Variants in PPP1R17 observed in about 807,000 individuals in gnomAD.
PPP1R17 encodes protein phosphatase 1 regulatory subunit 17.
Under a neutral mutation model 15.9 loss-of-function variants are expected in PPP1R17, and 12 were observed. The observed-to-expected ratio is 0.75, with a 90% confidence interval of 0.48 to 1.22. PPP1R17 has a LOEUF of 1.22. Ranked by LOEUF, PPP1R17 falls within the 50% of genes most tolerant of loss-of-function variation. The pLI is 0.00. For synonymous variants in PPP1R17, 63 were observed against 64.5 expected, an observed-to-expected ratio of 0.98 and a Z score of 0.11; for missense variants, 211 against 187.3, an observed-to-expected ratio of 1.13 and a Z score of -0.74.
chr7:31,688,552 C>T (rs1308001411), intron 1 of PPP1R17, among the ~76,000 whole-genome samples: 1 of 152,108 alleles, frequency 6.6e-6, no homozygotes, highest in Non-Finnish European at 1.5e-5. Flanking sequence ...CACCCAGTTC[C>T]TTCCCCCTTT....
chr7:31,706,153 C>G (rs746498972), intron 4 of PPP1R17, among the ~76,000 whole-genome samples: 1 of 151,236 alleles, frequency 6.6e-6, no homozygotes, highest in Non-Finnish European at 1.5e-5. Flanking sequence ...TACAGGTGCC[C>G]GCCACCATGC....
intron 4 of PPP1R17, among the ~76,000 whole-genome samples, chr7:31,698,601 A>G (rs1472082965): frequency 6.6e-6 from 1 of 152,222 alleles, no homozygotes; most frequent in Non-Finnish European, 1.5e-5. Flanking sequence ...TAATCTTCAA[A>G]CTGTCTTCAT....
chr7:31,695,487 T>A lies in PPP1R17; in HGVS notation c.101T>A (p.Phe34Tyr). The change falls in exon 3 of 5, where the codon TTC (phenylalanine) becomes TAC (tyrosine). Residue 34 changes from phenylalanine (F) to tyrosine (Y), a missense_variant. Phe to Tyr is a conservative substitution (Grantham distance 22). Coordinates refer to ENST00000342032, the MANE Select transcript of PPP1R17 (RefSeq NM_006658.5). ...CSHLDDLSDQ[F>Y]IKDCDLKKKP... is the part of the protein sequence containing the mutation. ...AAATTAGATGATCTTTCAGACCAGT[T>A]CATTAAGGACTGTGATCTCAAAAAG... 1 of 1,609,378 alleles carries A rather than the reference T, an allele frequency of 6.2e-7. No homozygotes were observed. Among genetic ancestry groups the A allele is most frequent in the South Asian group, 1.1e-5 (1 of 90,076 alleles).
At chr7:31,690,968 G>A (rs759083629) in intron 1 of PPP1R17, among the ~76,000 whole-genome samples, 1 of 152,142 alleles carries the variant, frequency 6.6e-6, no homozygotes, top group Non-Finnish European at 1.5e-5. Flanking sequence ...TTAAATAGGT[G>A]CATAAGACCA....
intron 1 of PPP1R17, among the ~76,000 whole-genome samples, chr7:31,690,794 CTCTGAT>C (rs1297831808): frequency 2.0e-5 from 3 of 152,312 alleles, no homozygotes; most frequent in Admixed American, 6.5e-5. Context: ...CAAATGATTA[CTCTGAT>C]TCTAAGTGTT....
intron 4 of PPP1R17, among the ~76,000 whole-genome samples, chr7:31,700,977 A>G (rs1792825478): frequency 6.6e-6 from 1 of 152,230 alleles, no homozygotes; most frequent in African/African-American, 2.4e-5. Flanking sequence ...TGATGGAGGC[A>G]CACAAGGAGA....
Position 31,697,043 on chromosome 7 carries a change from A to AT in PPP1R17, c.315dup (p.Asn106Ter). Reference sequence around the variant, plus strand: ...AAGGGCAAAATGATCCCTGTTCTTCATAACACTGACCTGGAACAGAAAAAG... The same window carrying AT: ...AAGGGCAAAATGATCCCTGTTCTTCATTAACACTGACCTGGAACAGAAAAAG... On this transcript the variant is annotated frameshift_variant, in exon 4 of 5. Transcript: ENST00000342032. LOFTEE classifies it high-confidence loss of function. The AT allele has an allele frequency of 6.2e-7, 1 of 1,614,184 alleles. No individual in the cohort carries two copies. Among genetic ancestry groups the AT allele is most frequent in the Non-Finnish European group, 8.5e-7 (1 of 1,180,018 alleles).
At chr7:31,698,063 T>C (rs539238109) in intron 4 of PPP1R17, among the ~76,000 whole-genome samples, 1 of 152,216 alleles carries the variant, frequency 6.6e-6, no homozygotes, top group Admixed American at 6.5e-5. Flanking sequence ...AACCTAGGTC[T>C]ATCTCACCTT....
intron 2 of PPP1R17, among the ~76,000 whole-genome samples, chr7:31,695,096 G>C (rs1376809433): frequency 5.9e-5 from 9 of 152,146 alleles, no homozygotes; most frequent in Admixed American, 5.2e-4. Context: ...TCTCCAAAGA[G>C]AGCAAGTCTT....
intron 4 of PPP1R17, among the ~76,000 whole-genome samples, chr7:31,706,278 T>C (rs1793068132): frequency 6.6e-6 from 1 of 152,010 alleles, no homozygotes; most frequent in African/African-American, 2.4e-5. Context: ...GTGCTGGGAT[T>C]ATAGGCATGA....
intron 4 of PPP1R17, among the ~76,000 whole-genome samples, chr7:31,701,637 A>G (rs1035074910): frequency 1.3e-5 from 2 of 152,208 alleles, no homozygotes; most frequent in South Asian, 4.1e-4. Flanking sequence ...AGCAAACTCT[A>G]TTGTTAAAGG....
chr7:31,707,117 A>G, intron 4 of PPP1R17, 87 bp from the exon 5 acceptor site: 1 of 1,235,610 alleles, frequency 8.1e-7, no homozygotes, highest in Non-Finnish European at 1.1e-6. Context: ...CTGGGTTGCC[A>G]TGCTCCTTTG....
intron 1 of PPP1R17, among the ~76,000 whole-genome samples, chr7:31,691,246 C>G (rs1284010208): frequency 6.6e-6 from 1 of 152,210 alleles, no homozygotes; most frequent in Non-Finnish European, 1.5e-5. Context: ...ACCCTCCCAC[C>G]TTTTCAGAGA....
intron 2 of PPP1R17, among the ~76,000 whole-genome samples, chr7:31,694,580 G>A (rs1196053718): frequency 6.6e-6 from 1 of 152,110 alleles, no homozygotes; most frequent in East Asian, 1.9e-4. Flanking sequence ...GCAGGGAGAG[G>A]CAACTAAGAA....
chr7:31,689,678 A>G (rs1360279712), intron 1 of PPP1R17, among the ~76,000 whole-genome samples: 3 of 152,144 alleles, frequency 2.0e-5, no homozygotes, highest in Non-Finnish European at 4.4e-5. Context: ...CTAACAGGCT[A>G]TGAAAATTAT....
chr7:31,695,711 G>C lies in PPP1R17; in HGVS notation c.235+90G>C, dbSNP rs1158524359. 8 of 1,378,564 alleles carry C rather than the reference G, an allele frequency of 5.8e-6. No individual in the cohort carries two copies. The East Asian group carries it at 9.4e-5, about 16-fold the overall frequency. The allele number at this position is 1,378,564 out of a possible 1,614,324, so 85.4% of individuals were successfully genotyped here. A position where few individuals can be genotyped will look rare whatever the true frequency, so the allele number is the denominator to read the frequency against. On this transcript the variant is annotated intron_variant, in intron 3 of 4. Coordinates refer to ENST00000342032, the MANE Select transcript of PPP1R17 (RefSeq NM_006658.5). ...GTACACATTTTTCCTTAAATATTCA[G>C]GTATTTTAAAGTAATTTGTGCACTC...
chr7:31,696,822 T>C (rs1457951450), intron 3 of PPP1R17, 143 bp from the exon 4 acceptor site: 1 of 902,198 alleles, frequency 1.1e-6, no homozygotes, highest in East Asian at 2.7e-5. Flanking sequence ...TAATGCTTCT[T>C]ATGAAAAGTC....
At chr7:31,703,319 G>A (rs917670903) in intron 4 of PPP1R17, among the ~76,000 whole-genome samples, 1 of 152,162 alleles carries the variant, frequency 6.6e-6, no homozygotes, top group Non-Finnish European at 1.5e-5. Flanking sequence ...ACAGCCTAAC[G>A]GGTTGAGCTC....
At chr7:31,705,986 A>ATTTTTTTTTTTTTTTTTTTTTTT (rs550189867) in intron 4 of PPP1R17, among the ~76,000 whole-genome samples, 1 of 52,514 alleles carries the variant, frequency 1.9e-5, no homozygotes, top group Non-Finnish European at 3.5e-5. Flanking sequence ...CAGACCAGTA[A>ATTTTTTTTTTTTTTTTTTTTTTT]TTTTTTTTTT....
Sources: allele counts gnomAD v4.1 joint callset (sites outside exome capture counted in the v4.1 genomes callset), GRCh38; gene constraint gnomAD v4.1.1; transcripts MANE v1.5; gene names NCBI Gene and HGNC (gene_info 2026-07-23, HGNC 2026-07-21).